The following DIS3L variants were observed in gnomAD, a reference collection of about 807,000 sequenced individuals.
DIS3L encodes the protein DIS3 like exosome 3'-5' exoribonuclease, also known as DIS3-like exonuclease 1.
In DIS3L, 100 loss-of-function variants were observed where a neutral mutation model predicts 120.3. That is an observed-to-expected ratio of 0.83 (90% CI 0.71 to 0.98). The LOEUF (loss-of-function observed/expected upper bound fraction) is 0.98. Among genes scored for constraint, DIS3L ranks in the 50% least tolerant of loss-of-function variants. The pLI is 0.00. For missense variants in DIS3L, 1,196 were observed against 1,314.2 expected (o/e 0.91, Z 1.39); for synonymous variants, 426 against 470.6 (o/e 0.91, Z 1.23).
At position 66,308,947 on chromosome 15, in the gene DIS3L, C is replaced by A; in HGVS notation, c.558+103C>A. On this transcript the variant is annotated intron_variant, in intron 4 of 16. Coordinates refer to ENST00000319212, the MANE Select transcript of DIS3L (RefSeq NM_001143688.3). ...ACAGAAAAGAGAAAAGAGGAATAGA[C>A]ATTAAGTTCCATTTTGGCCAGGCGT... The A allele has an allele frequency of 2.9e-6, 4 of 1,367,460 alleles. No homozygotes were observed. The South Asian group carries it at 6.7e-5, about 23-fold the overall frequency. 84.7% of individuals were successfully genotyped at this position (1,367,460 alleles called of 1,614,324 possible). A position where few individuals can be genotyped will look rare whatever the true frequency, so the allele number is the denominator to read the frequency against.
Position 66,295,035 on chromosome 15 carries a change from T to C in DIS3L, c.187T>C (p.Trp63Arg). ...SDVTHYVIPD[W>R]KVVQDYLEIL... Reference sequence around the variant, plus strand: ...TGTGACTCATTACGTGATCCCAGACTGGAAAGTTGTTCAAGATTATCTTGA... The same window carrying C: ...TGTGACTCATTACGTGATCCCAGACCGGAAAGTTGTTCAAGATTATCTTGA... The change falls in exon 2 of 17, where the codon TGG becomes CGG. Residue 63 changes from tryptophan (W) to arginine (R), a missense_variant. Transcript: ENST00000319212. The C allele has an allele frequency of 1.2e-6, 2 of 1,614,182 alleles. No homozygotes were observed. The highest frequency in any genetic ancestry group is 1.3e-5 in the African/African-American group (1 of 75,064).
intron 10 of DIS3L, 96 bp from the exon 11 acceptor site, chr15:66,323,397 T>G (rs2140393684): frequency 5.9e-4 from 669 of 1,137,618 alleles, no homozygotes; most frequent in Middle Eastern, 1.4e-3. Context: ...GAATCTGTAG[T>G]GAGATTTTGG....
chr15:66,293,785 G>A (rs1283586430), intron 1 of DIS3L, 50 bp downstream of exon 1: 3 of 1,130,476 alleles, frequency 2.7e-6, no homozygotes, highest in Non-Finnish European at 3.2e-6. Context: ...GCGGGCGGCC[G>A]CAGTGAGGGG....
At position 66,310,029 on chromosome 15, in the gene DIS3L, C is replaced by A. The variant is rs8031365; in HGVS notation, c.558+1185C>A. ...GATGACTGTTAATCTCTCAACAGAT[C>A]GCTGGTCGCTTCTGTCTGCCCAGCT... On this transcript the variant is annotated intron_variant, in intron 4 of 16. Transcript: ENST00000319212. Among the ~76,000 whole-genome samples, 1,198 of 152,250 alleles carry A rather than the reference C, an allele frequency of 7.9e-3. 15 individuals are homozygous for A. Among genetic ancestry groups the A allele is most frequent in the African/African-American group, 0.027 (1,124 of 41,544 alleles).
In DIS3L at chr15:66,329,062, C is replaced by A; in HGVS notation, c.2294C>A (p.Ala765Asp). 6.2e-7 allele frequency: 1 copy of A among 1,614,252 alleles called. No individual in the cohort carries two copies. Among genetic ancestry groups the A allele is most frequent in the Non-Finnish European group, 8.5e-7 (1 of 1,180,050 alleles). ...CTACTGCGCTCCATGGCCACGCAGGCCATGTCGAATGCTCTGTACTTCTCC... is the reference window on the plus strand; with the variant it reads ...CTACTGCGCTCCATGGCCACGCAGGACATGTCGAATGCTCTGTACTTCTCC... ...NRLLRSMATQ[A>D]MSNALYFSTG... is the part of the protein sequence containing the mutation. The change falls in exon 13 of 17, where the codon GCC becomes GAC. Residue 765 changes from alanine to aspartate, a missense_variant. Ala to Asp is a moderately radical substitution (Grantham distance 126). Transcript: ENST00000319212.
chr15:66,293,414 G>A, upstream of DIS3L: 1 of 1,148,006 alleles, frequency 8.7e-7, no homozygotes, highest in Non-Finnish European at 1.1e-6. Context: ...ACTGAGGGAA[G>A]GGAAGAAACT....
rs2093025225 is a variant in DIS3L at position 66,333,484 on chromosome 15, A to G, written c.*172A>G. 3 of 617,296 alleles carry G rather than the reference A, an allele frequency of 4.9e-6. 1 individual carries two copies. In the South Asian group the frequency reaches 7.4e-5, roughly 15 times the overall value. The allele number at this position is 617,296 out of a possible 1,614,324, so 38.2% of individuals were successfully genotyped here. A position where few individuals can be genotyped will look rare whatever the true frequency, so the allele number is the denominator to read the frequency against. ...GGTGGCTCACGCCTGTAACCCCAGC[A>G]CTTTGGGAGGCTGAGGCGGGCGGAT... On this transcript the variant is annotated 3_prime_UTR_variant, in exon 17 of 17. Coordinates refer to ENST00000319212, the MANE Select transcript of DIS3L (RefSeq NM_001143688.3).
intron 2 of DIS3L, among the ~76,000 whole-genome samples, chr15:66,306,465 C>T (rs1415823784): frequency 1.3e-5 from 2 of 152,192 alleles, no homozygotes; most frequent in African/African-American, 4.8e-5. Context: ...AAGTGCTAAA[C>T]TCTCTGCTTG....
intron 4 of DIS3L, among the ~76,000 whole-genome samples, chr15:66,309,439 TA>T (rs1471881796): frequency 1.3e-5 from 2 of 152,100 alleles, no homozygotes; most frequent in Non-Finnish European, 2.9e-5. Flanking sequence ...ATAGGTTGAA[TA>T]AAATTGCCAA....
intron 2 of DIS3L, among the ~76,000 whole-genome samples, chr15:66,305,274 C>T (rs932953594): frequency 6.6e-6 from 1 of 152,040 alleles, no homozygotes; most frequent in African/African-American, 2.4e-5. Flanking sequence ...GCTGGGATTA[C>T]ATGTGTGAGC....
At chr15:66,323,948 T>C (rs1727902283) in intron 11 of DIS3L, among the ~76,000 whole-genome samples, 1 of 152,124 alleles carries the variant, frequency 6.6e-6, no homozygotes, top group Non-Finnish European at 1.5e-5. Flanking sequence ...CTCGGGGAGT[T>C]TTTTGTTTGT....
In DIS3L at chr15:66,309,094, A is replaced by AAAAAAAAAAAAATATAT; in HGVS notation, c.558+251_558+252insAAAAAAAAAAATATATA. ...CTTGTCTCTACAGAAAAAAAAAAAA[A>AAAAAAAAAAAAATATAT]ATATATATATCTCCAAGCATGGTGG... On this transcript the variant is annotated intron_variant, in intron 4 of 16. Transcript: ENST00000319212. 1.6e-3 allele frequency among the ~76,000 whole-genome samples: 24 copies of AAAAAAAAAAAAATATAT among 15,316 alleles called. 6 individuals are homozygous for AAAAAAAAAAAAATATAT. In the South Asian group the frequency reaches 0.042, roughly 27 times the overall value. The allele number at this position is 15,316 out of a possible 152,430, so 10.0% of individuals were successfully genotyped here. A position where few individuals can be genotyped will look rare whatever the true frequency, so the allele number is the denominator to read the frequency against.
At chr15:66,307,637 G>A (rs962767996) in intron 3 of DIS3L, among the ~76,000 whole-genome samples, 11 of 152,160 alleles carry the variant, frequency 7.2e-5, no homozygotes, top group African/African-American at 2.4e-4. Context: ...ACTGAAACTG[G>A]TCATTTAATT....
At chr15:66,308,153 G>C (rs1209464204) in intron 3 of DIS3L, among the ~76,000 whole-genome samples, 1 of 152,226 alleles carries the variant, frequency 6.6e-6, no homozygotes, top group Non-Finnish European at 1.5e-5. Flanking sequence ...CTGGGCGACA[G>C]AGTAAGACCC....
At position 66,295,074 on chromosome 15, in the gene DIS3L, C is replaced by T; in HGVS notation, c.226C>T (p.Pro76Ser). The stretch of plus-strand genomic sequence containing the variant: ...AGATTATCTTGAGATCCTTGAGTTT[C>T]CTGAGTTGAAGGGAATTATTTTCAT... ...VQDYLEILEF[P>S]ELKGIIFMQT... Residue 76 changes from proline (P) to serine (S), a missense_variant, in exon 2 of 17, where the codon CCT becomes TCT. Pro to Ser is a moderately conservative substitution (Grantham distance 74). Transcript: ENST00000319212. The T allele has an allele frequency of 6.2e-7, 1 of 1,614,078 alleles. No individual in the cohort carries two copies. Among genetic ancestry groups the T allele is most frequent in the Non-Finnish European group, 8.5e-7 (1 of 1,180,010 alleles).
intron 1 of DIS3L, chr15:66,293,966 C>T: frequency 1.0e-6 from 1 of 993,874 alleles, no homozygotes; most frequent in Non-Finnish European, 1.2e-6. Flanking sequence ...CCGCCCTGTC[C>T]AATGGGAGGG....
chr15:66,325,889 T>A lies in DIS3L; in HGVS notation c.1726T>A (p.Trp576Arg). Reference sequence around the variant, plus strand: ...AGCCTCTTATGAAATTAAGAAAGTGTGGTATGGCAGAACCATTATTCGATC... The same window carrying A: ...AGCCTCTTATGAAATTAAGAAAGTGAGGTATGGCAGAACCATTATTCGATC... The part of the protein sequence containing the change: ...DKASYEIKKV[W>R]YGRTIIRSAY... The change falls in exon 12 of 17, where the codon TGG (tryptophan) becomes AGG (arginine). Residue 576 changes from tryptophan to arginine, a missense_variant. By Grantham distance (101) the Trp-to-Arg change is moderately radical (BLOSUM62 -3). Coordinates refer to ENST00000319212, the MANE Select transcript of DIS3L (RefSeq NM_001143688.3). 1 of 1,613,860 alleles carries A rather than the reference T, an allele frequency of 6.2e-7. No homozygotes were observed.
At chr15:66,314,842 A>G (rs1237162087) in intron 6 of DIS3L, 194 bp from the exon 7 acceptor site, 2 of 531,062 alleles carry the variant, frequency 3.8e-6, no homozygotes, top group African/African-American at 3.8e-5. Flanking sequence ...TGAAATCTCA[A>G]TATACAGTAT....
rs1461615454 is a variant in DIS3L, at chr15:66,332,995, C to T, written c.2857-9C>T. ...GATTTAGTAATATGTATTTTCTTCT[C>T]TATGCTAGGTAAGAATATCCATACA... On this transcript the variant is annotated splice_polypyrimidine_tract_variant and intron_variant, in intron 16 of 16. Coordinates refer to ENST00000319212, the MANE Select transcript of DIS3L (RefSeq NM_001143688.3). The T allele has an allele frequency of 6.3e-7, 1 of 1,599,968 alleles. No homozygotes were observed. The highest frequency in any genetic ancestry group is 8.5e-7 in the Non-Finnish European group (1 of 1,174,816).
Sources: gnomAD v4.1 joint callset for allele counts (sites outside exome capture counted in the v4.1 genomes callset) on GRCh38, gnomAD v4.1.1 for gene constraint, MANE v1.5 for transcripts, NCBI Gene and HGNC (gene_info 2026-07-23, HGNC 2026-07-21) for gene names.